KCTD16: variants seen among roughly 807,000 people sequenced by gnomAD.
KCTD16 encodes the protein BTB/POZ domain-containing protein KCTD16.
KCTD16 carries 13 observed loss-of-function variants against 33.2 expected under a neutral mutation model. The observed-to-expected ratio is 0.39, with a 90% CI of 0.25 to 0.62. KCTD16 has a LOEUF of 0.62. KCTD16 is among the 20% of genes least tolerant of loss of function. The pLI is 0.50. For synonymous variants in KCTD16, 197 were observed against 195.3 expected, an observed-to-expected ratio of 1.01 and a Z score of -0.07; for missense variants, 441 against 525.1, an observed-to-expected ratio of 0.84 and a Z score of 1.57.
At chr5:144,449,162 T>G (rs1013909317) in intron 3 of KCTD16, among the ~76,000 whole-genome samples, 1 of 151,986 alleles carries the variant, frequency 6.6e-6, no homozygotes, top group Non-Finnish European at 1.5e-5. Flanking sequence ...AGAGAGCAGA[T>G]GGTCTCTTTT....
At chr5:144,427,251 CG>C (rs940713549) in intron 3 of KCTD16, among the ~76,000 whole-genome samples, 3 of 151,094 alleles carry the variant, frequency 2.0e-5, no homozygotes, top group Admixed American at 6.6e-5. Flanking sequence ...TTGAATTAAG[CG>C]GGGGGAGGGG....
intron 3 of KCTD16, among the ~76,000 whole-genome samples, chr5:144,290,710 G>A (rs144106127): frequency 6.0e-4 from 92 of 152,188 alleles, no homozygotes; most frequent in African/African-American, 2.2e-3. Context: ...CTTCCCCAAA[G>A]GTCCCATTTT....
chr5:144,282,675 G>A (rs1004926797), intron 3 of KCTD16, among the ~76,000 whole-genome samples: 19 of 152,164 alleles, frequency 1.2e-4, no homozygotes, highest in Non-Finnish European at 2.6e-4. Flanking sequence ...AGCAGGAAAA[G>A]CACTTTGGTT....
At chr5:144,334,708 G>T (rs1752439092) in intron 3 of KCTD16, among the ~76,000 whole-genome samples, 1 of 152,166 alleles carries the variant, frequency 6.6e-6, no homozygotes, top group Admixed American at 6.5e-5. Context: ...AATTTCACAT[G>T]GTAATGAAAT....
At chr5:144,435,182 C>T (rs1396910871) in intron 3 of KCTD16, among the ~76,000 whole-genome samples, 1 of 152,062 alleles carries the variant, frequency 6.6e-6, no homozygotes, top group Non-Finnish European at 1.5e-5. Context: ...CCTGATAGCC[C>T]CCTTACCCGC....
chr5:144,239,073 T>C (rs566177363), intron 3 of KCTD16, among the ~76,000 whole-genome samples: 3 of 152,192 alleles, frequency 2.0e-5, no homozygotes, highest in African/African-American at 7.2e-5. Context: ...AATTGCCACT[T>C]ACTTGTTGTG....
rs1474054170 is a variant in KCTD16 at position 144,484,174 on chromosome 5, G to T, written c.*10060G>T. The T allele has an allele frequency of 1.3e-5, 2 of 151,908 alleles. No individual in the cohort carries two copies. Among genetic ancestry groups the T allele is most frequent in the Non-Finnish European group, 2.9e-5 (2 of 67,904 alleles). 9.4% of individuals were successfully genotyped at this position (151,908 alleles called of 1,614,324 possible). ...TTTTTGTAAATCATGGGTGGCGGAT[G>T]TCAAAATCTCTCATTAATTACCCTG... On this transcript the variant is annotated 3_prime_UTR_variant, in exon 4 of 4. Transcript: ENST00000512467.
chr5:144,180,310 A>G (rs1046083362), intron 2 of KCTD16, among the ~76,000 whole-genome samples: 2 of 152,152 alleles, frequency 1.3e-5, no homozygotes, highest in Non-Finnish European at 2.9e-5. Context: ...GTTCAGGGCA[A>G]GGGGGAGTGG....
chr5:144,386,967 T>C (rs1238879022), intron 3 of KCTD16, among the ~76,000 whole-genome samples: 1 of 151,578 alleles, frequency 6.6e-6, no homozygotes, highest in Non-Finnish European at 1.5e-5. Flanking sequence ...CCTTTACCAA[T>C]TACAAAGCAC....
chr5:144,229,392 T>C (rs546012088), intron 3 of KCTD16, among the ~76,000 whole-genome samples: 4 of 152,086 alleles, frequency 2.6e-5, no homozygotes, highest in Admixed American at 2.6e-4. Context: ...GAAGATAGTG[T>C]TGTTTGAAGT....
At chr5:144,454,156 C>T (rs1196443196) in intron 3 of KCTD16, among the ~76,000 whole-genome samples, 1 of 152,130 alleles carries the variant, frequency 6.6e-6, no homozygotes, top group East Asian at 1.9e-4. Flanking sequence ...CTGTAGTTAA[C>T]TCAAATCCTT....
intron 3 of KCTD16, among the ~76,000 whole-genome samples, chr5:144,225,555 TGTGTG>T (rs1753905643): frequency 2.2e-5 from 1 of 45,316 alleles, no homozygotes. Flanking sequence ...AAATAAATTG[TGTGTG>T]TGTGTGTGTG....
chr5:144,205,065 T>G (rs1287133389), intron 2 of KCTD16, among the ~76,000 whole-genome samples: 3 of 152,054 alleles, frequency 2.0e-5, no homozygotes, highest in Non-Finnish European at 4.4e-5. Flanking sequence ...ACAACTTACC[T>G]CTTGGGTAGG....
chr5:144,363,298 C>T (rs919778873), intron 3 of KCTD16, among the ~76,000 whole-genome samples: 14 of 152,064 alleles, frequency 9.2e-5, no homozygotes, highest in African/African-American at 2.7e-4. Flanking sequence ...GCCAAGATCG[C>T]GCCACTGCAC....
chr5:144,450,385 G>A (rs1005003447), intron 3 of KCTD16, among the ~76,000 whole-genome samples: 4 of 152,016 alleles, frequency 2.6e-5, no homozygotes, highest in Non-Finnish European at 5.9e-5. Context: ...AGAAAACAAT[G>A]TGAAGTTTCC....
rs183917911 is a variant in KCTD16, at chr5:144,411,229, G to A, written c.833-62431G>A. Among the ~76,000 whole-genome samples, 270 of 152,156 alleles carry A rather than the reference G, an allele frequency of 1.8e-3. 1 individual carries two copies. Among genetic ancestry groups the A allele is most frequent in the Admixed American group, 5.6e-3 (85 of 15,276 alleles). ...CACAAAAGTCCTTGAATAGCCCAAG[G>A]AAACCTGAGTAAAAAGAACAAAGCT... On this transcript the variant is annotated intron_variant, in intron 3 of 3. Coordinates refer to ENST00000512467, the MANE Select transcript of KCTD16 (RefSeq NM_020768.4).
intron 3 of KCTD16, among the ~76,000 whole-genome samples, chr5:144,465,864 C>T (rs757721633): frequency 4.8e-5 from 7 of 146,084 alleles, no homozygotes; most frequent in African/African-American, 1.0e-4. Flanking sequence ...TGTTGTAGAC[C>T]GGTTGCTCTT....
chr5:144,174,793 C>A (rs1752466435), intron 2 of KCTD16, among the ~76,000 whole-genome samples: 1 of 152,162 alleles, frequency 6.6e-6, no homozygotes, highest in African/African-American at 2.4e-5. Context: ...ATTGCAAGTG[C>A]TGCATGTTGT....
chr5:144,445,526 C>T (rs1753800773), intron 3 of KCTD16, among the ~76,000 whole-genome samples: 1 of 152,016 alleles, frequency 6.6e-6, no homozygotes. Context: ...TTTCCTATTA[C>T]ATCTTTGTAT....
Sources: gnomAD v4.1 joint callset for allele counts (sites outside exome capture counted in the v4.1 genomes callset) on GRCh38, gnomAD v4.1.1 for gene constraint, MANE v1.5 for transcripts, NCBI Gene and HGNC (gene_info 2026-07-23, HGNC 2026-07-21) for gene names.